The following TMOD3 variants were observed in gnomAD, a reference collection of about 807,000 sequenced individuals.
TMOD3 encodes the protein tropomodulin 3.
In TMOD3, 20 loss-of-function variants were observed where a neutral mutation model predicts 39.2. The observed-to-expected ratio is 0.51, with a 90% CI of 0.36 to 0.74. The LOEUF is 0.74. TMOD3 is among the 30% of genes least tolerant of loss of function. The pLI, the probability that TMOD3 is intolerant of heterozygous loss-of-function variation, is 0.00. For missense variants in TMOD3, 381 were observed against 412.8 expected (o/e 0.92, Z 0.67); for synonymous variants, 143 against 145.8 (o/e 0.98, Z 0.14).
intron 7 of TMOD3, among the ~76,000 whole-genome samples, chr15:51,898,790 A>G (rs1420276719): frequency 6.6e-6 from 1 of 151,960 alleles, no homozygotes; most frequent in Admixed American, 6.6e-5. Flanking sequence ...ACTCATGATC[A>G]TTGTTCTTTT....
intron 9 of TMOD3, among the ~76,000 whole-genome samples, chr15:51,903,956 C>G (rs2593181): frequency 0.62 from 94,532 of 152,098 alleles, 30,739 homozygotes; most frequent in East Asian, 0.98. Context: ...CAGCCACGAG[C>G]TACAGATACT....
At chr15:51,898,925 A>G (rs1271950197) in intron 7 of TMOD3, 3 of 151,894 alleles carry the variant, frequency 2.0e-5, no homozygotes, top group African/African-American at 4.8e-5. Context: ...TAATTAATCA[A>G]TATGGTACTT....
chr15:51,893,791 T>G, intron 5 of TMOD3, 24 bp from the exon 6 acceptor site: 1 of 1,485,016 alleles, frequency 6.7e-7, no homozygotes, highest in Non-Finnish European at 9.0e-7. Flanking sequence ...TATCAAATCC[T>G]GCTCTTTTCA....
chr15:51,862,741 C>A, intron 1 of TMOD3, 70 bp from the exon 2 acceptor site: 1 of 636,092 alleles, frequency 1.6e-6, no homozygotes, highest in Non-Finnish European at 2.4e-6. Context: ...TTTCACTTAA[C>A]CTGAGAATTA....
At chr15:51,904,859 TGATA>T (rs2056670267) in intron 9 of TMOD3, among the ~76,000 whole-genome samples, 1 of 152,078 alleles carries the variant, frequency 6.6e-6, no homozygotes, top group Admixed American at 6.6e-5. Context: ...CAGTGGTGTG[TGATA>T]GAGGAAGAGA....
intron 3 of TMOD3, among the ~76,000 whole-genome samples, chr15:51,883,310 TG>T (rs537067888): frequency 2.0e-5 from 3 of 152,078 alleles, no homozygotes; most frequent in Non-Finnish European, 2.9e-5. Flanking sequence ...AATTTATATA[TG>T]GGGGGAAATT....
intron 9 of TMOD3, among the ~76,000 whole-genome samples, chr15:51,905,173 G>A (rs2056671929): frequency 6.6e-6 from 1 of 152,200 alleles, no homozygotes; most frequent in South Asian, 2.1e-4. Context: ...ATGAGTACTT[G>A]TTGTTTAAAG....
chr15:51,902,195 A>G lies in TMOD3; in HGVS notation c.1024+159A>G, dbSNP rs113982272. 2.9e-3 allele frequency among the ~76,000 whole-genome samples: 444 copies of G among 152,256 alleles called. 5 individuals carry two copies. The highest frequency in any genetic ancestry group is 9.7e-3 in the African/African-American group (402 of 41,540). ...TATATACTGATTGAATTCAAGTTCA[A>G]TTAAAGTGAGGTTGTGATGATTGGG... On this transcript the variant is annotated intron_variant, in intron 9 of 9. Coordinates refer to ENST00000308580, the MANE Select transcript of TMOD3 (RefSeq NM_014547.5).
In TMOD3 at chr15:51,915,054, A is replaced by T. The variant is rs2056727562; in HGVS notation, c.*6244A>T. On this transcript the variant is annotated 3_prime_UTR_variant, in exon 10 of 10. Coordinates refer to ENST00000308580, the MANE Select transcript of TMOD3 (RefSeq NM_014547.5). ...CCAAATTATTACATTCGTAAGACAG[A>T]CACCTCTTAGAATCTATATATATGA... The T allele has an allele frequency of 6.6e-6, 1 of 152,142 alleles. No individual in the cohort carries two copies. Among genetic ancestry groups the T allele is most frequent in the South Asian group, 2.1e-4 (1 of 4,832 alleles). The allele number at this position is 152,142 out of a possible 1,614,324, so 9.4% of individuals were successfully genotyped here. A position where few individuals can be genotyped will look rare whatever the true frequency, so the allele number is the denominator to read the frequency against.
At chr15:51,850,363 T>C (rs1320745676) in intron 1 of TMOD3, among the ~76,000 whole-genome samples, 1 of 152,124 alleles carries the variant, frequency 6.6e-6, no homozygotes, top group Non-Finnish European at 1.5e-5. Flanking sequence ...CTGGACAGTT[T>C]ATCCATAATA....
intron 1 of TMOD3, among the ~76,000 whole-genome samples, chr15:51,855,817 C>A (rs1331620969): frequency 6.6e-6 from 1 of 152,216 alleles, no homozygotes; most frequent in African/African-American, 2.4e-5. Context: ...AGCACTCCTT[C>A]CAGAACTTCC....
At chr15:51,889,286 C>G in intron 5 of TMOD3, 141 bp downstream of exon 5, 3 of 580,956 alleles carry the variant, frequency 5.2e-6, no homozygotes, top group Non-Finnish European at 9.1e-6. Flanking sequence ...TGGTATTAAC[C>G]AAGAAAGCCA....
At chr15:51,832,603 A>G (rs961329038) in intron 1 of TMOD3, among the ~76,000 whole-genome samples, 5 of 152,082 alleles carry the variant, frequency 3.3e-5, no homozygotes, top group African/African-American at 1.2e-4. Context: ...AGACTGAGGC[A>G]GGAGTACCAC....
chr15:51,869,451 A>G (rs529731765), intron 3 of TMOD3, 78 bp downstream of exon 3: 1 of 1,384,488 alleles, frequency 7.2e-7, no homozygotes, highest in African/African-American at 1.5e-5. Context: ...AGAAAATCAT[A>G]TTTTTAGAGG....
intron 1 of TMOD3, among the ~76,000 whole-genome samples, chr15:51,849,665 T>C (rs1313509766): frequency 6.6e-6 from 1 of 152,154 alleles, no homozygotes; most frequent in Non-Finnish European, 1.5e-5. Context: ...CTAAGGTGGC[T>C]CCTGCCTGTA....
chr15:51,887,828 G>T (rs2056572911), intron 4 of TMOD3, 117 bp downstream of exon 4: 1 of 1,289,048 alleles, frequency 7.8e-7, no homozygotes. Context: ...TGTTAAATCA[G>T]TAACCACATA....
At chr15:51,863,957 AT>A (rs2056432111) in intron 2 of TMOD3, among the ~76,000 whole-genome samples, 1 of 152,138 alleles carries the variant, frequency 6.6e-6, no homozygotes, top group Admixed American at 6.6e-5. Context: ...TATTAGACCT[AT>A]TTGAATCAAA....
intron 1 of TMOD3, among the ~76,000 whole-genome samples, chr15:51,862,450 T>C (rs1209453177): frequency 6.6e-6 from 1 of 152,232 alleles, no homozygotes; most frequent in East Asian, 1.9e-4. Context: ...CTTAAACATA[T>C]TGTGCTGAAG....
intron 5 of TMOD3, among the ~76,000 whole-genome samples, chr15:51,891,521 G>C (rs1402918972): frequency 6.6e-6 from 1 of 151,888 alleles, no homozygotes; most frequent in Non-Finnish European, 1.5e-5. Flanking sequence ...TTGATCACAG[G>C]GTTCAAATGT....
Sources: gnomAD v4.1 joint callset for allele counts (sites outside exome capture counted in the v4.1 genomes callset) on GRCh38, gnomAD v4.1.1 for gene constraint, MANE v1.5 for transcripts, NCBI Gene and HGNC (gene_info 2026-07-23, HGNC 2026-07-21) for gene names.